The following FRMD4A variants were observed in gnomAD, a reference collection of about 807,000 sequenced individuals.
FRMD4A encodes the protein FERM domain-containing protein 4A.
A neutral mutation model predicts 129.1 loss-of-function variants in FRMD4A; 29 were observed. That is an observed-to-expected ratio of 0.22 (90% CI 0.17 to 0.31). FRMD4A has a LOEUF of 0.31. FRMD4A is among the 10% of genes least tolerant of loss of function. The pLI is 1.00. For missense variants in FRMD4A, 1,272 were observed against 1,375.8 expected, an observed-to-expected ratio of 0.92 and a Z score of 1.19; for synonymous variants, 634 against 571.6, an observed-to-expected ratio of 1.11 and a Z score of -1.56.
intron 13 of FRMD4A, among the ~76,000 whole-genome samples, chr10:13,704,616 C>G (rs993747995): frequency 6.6e-6 from 1 of 152,204 alleles, no homozygotes; most frequent in Non-Finnish European, 1.5e-5. Flanking sequence ...GTCCTTCACC[C>G]TTCATGGCCC....
chr10:14,183,890 C>CCA (rs1044787278), intron 2 of FRMD4A, among the ~76,000 whole-genome samples: 1 of 152,062 alleles, frequency 6.6e-6, no homozygotes, highest in Non-Finnish European at 1.5e-5. Flanking sequence ...ACCTAAGAAA[C>CCA]CAAACTTTGT....
intron 2 of FRMD4A, among the ~76,000 whole-genome samples, chr10:14,162,871 C>A (rs1840981158): frequency 6.6e-6 from 1 of 152,172 alleles, no homozygotes; most frequent in African/African-American, 2.4e-5. Flanking sequence ...ATTTACTCAA[C>A]CTGTAAAATA....
chr10:13,757,075 G>T (rs2091896295), intron 8 of FRMD4A, among the ~76,000 whole-genome samples: 1 of 152,210 alleles, frequency 6.6e-6, no homozygotes, highest in Non-Finnish European at 1.5e-5. Context: ...AAGAATCATA[G>T]ATAATGTCTG....
At chr10:13,956,095 G>A (rs1240331659) in intron 2 of FRMD4A, among the ~76,000 whole-genome samples, 2 of 152,186 alleles carry the variant, frequency 1.3e-5, no homozygotes, top group African/African-American at 4.8e-5. Flanking sequence ...CATTTACGGA[G>A]CACCTTGTTT....
chr10:13,821,965 G>T lies in FRMD4A; in HGVS notation c.112-11057C>A, dbSNP rs922919132. Among the ~76,000 whole-genome samples, 1 of 152,098 alleles carries T rather than the reference G, an allele frequency of 6.6e-6. No individual in the cohort carries two copies. The highest frequency in any genetic ancestry group is 6.6e-5 in the Admixed American group (1 of 15,260). On this transcript the variant is annotated intron_variant, in intron 3 of 24. Coordinates refer to ENST00000357447, the MANE Select transcript of FRMD4A (RefSeq NM_018027.5). The surrounding 1 kb of genome is among the most constrained non-coding windows in gnomAD (Gnocchi z 4.3). The stretch of plus-strand genomic sequence containing the variant: ...ATGTTACACTTAGGGGACAGAGCAG[G>T]TCTCGAAGATCCGAAGCAGGAAGGA...
At chr10:14,292,220 G>A (rs1386234655) in intron 2 of FRMD4A, among the ~76,000 whole-genome samples, 8 of 152,178 alleles carry the variant, frequency 5.3e-5, no homozygotes. Context: ...CTTGGAAGGA[G>A]GATTCGTCTT....
rs150294715 is a variant in FRMD4A, at chr10:14,013,009, C to T, written c.46-154097G>A. Among the ~76,000 whole-genome samples the T allele has an allele frequency of 6.0e-3, 907 of 152,170 alleles. 8 individuals carry two copies. The highest frequency in any genetic ancestry group is 0.027 in the Middle Eastern group (8 of 294). On this transcript the variant is annotated intron_variant, in intron 2 of 24. Coordinates refer to ENST00000357447, the MANE Select transcript of FRMD4A (RefSeq NM_018027.5). ...GGTCACACTGTATAATAGATGCTGT[C>T]GTGACACTCCCAGGGCAGAAGGCAG...
intron 2 of FRMD4A, chr10:14,008,046 G>T (rs745747552): frequency 3.8e-6 from 5 of 1,299,042 alleles, no homozygotes; most frequent in Admixed American, 4.6e-5. Context: ...CAAACAACCC[G>T]CCACGTAGCT....
intron 2 of FRMD4A, among the ~76,000 whole-genome samples, chr10:14,263,022 T>C (rs76144276): frequency 0.064 from 9,798 of 152,248 alleles, 396 homozygotes; most frequent in Non-Finnish European, 0.09. Context: ...ACCAGGTCAG[T>C]GTTCCCCTGG....
Position 13,751,624 on chromosome 10 carries a change from C to T in FRMD4A, c.465-3805G>A, listed in dbSNP as rs549215006. On this transcript the variant is annotated intron_variant, in intron 8 of 24. Coordinates refer to ENST00000357447, the MANE Select transcript of FRMD4A (RefSeq NM_018027.5). Reference sequence around the variant, plus strand: ...CTTCCTCCCTCAATGTCTTCCACTTCGACATTTTCCCCAGAGTTCATGACA... The same window carrying T: ...CTTCCTCCCTCAATGTCTTCCACTTTGACATTTTCCCCAGAGTTCATGACA... 7.9e-5 allele frequency among the ~76,000 whole-genome samples: 12 copies of T among 152,180 alleles called. No homozygotes were observed. In the South Asian group the frequency reaches 8.3e-4, roughly 11 times the overall value.
intron 8 of FRMD4A, among the ~76,000 whole-genome samples, chr10:13,761,440 A>G (rs1249712891): frequency 1.3e-5 from 2 of 152,224 alleles, no homozygotes; most frequent in Non-Finnish European, 2.9e-5. Context: ...CGGGCTTTGC[A>G]TGTAGTGGAG....
chr10:13,892,958 T>C (rs528562027), intron 2 of FRMD4A, among the ~76,000 whole-genome samples: 1 of 152,240 alleles, frequency 6.6e-6, no homozygotes, highest in East Asian at 1.9e-4. Flanking sequence ...TCACCATCAA[T>C]AGAAAGGGAA....
chr10:13,991,403 GT>G (rs2095602858), intron 2 of FRMD4A, among the ~76,000 whole-genome samples: 2 of 152,186 alleles, frequency 1.3e-5, no homozygotes, highest in African/African-American at 4.8e-5. Flanking sequence ...ATTCAGGACA[GT>G]GTGCACCTGC....
At chr10:13,655,575 A>G (rs921763533) in intron 22 of FRMD4A, 4 of 152,040 alleles carry the variant, frequency 2.6e-5, no homozygotes, top group Non-Finnish European at 4.4e-5. Flanking sequence ...GTGGGGATAG[A>G]ATGCCAGAGC....
chr10:13,752,614 G>A (rs2130659768), intron 8 of FRMD4A, among the ~76,000 whole-genome samples: 1 of 152,264 alleles, frequency 6.6e-6, no homozygotes, highest in Admixed American at 6.5e-5. Context: ...AACCCAGAAT[G>A]TGATACTATC....
chr10:14,232,550 C>G (rs1257123954), intron 2 of FRMD4A, among the ~76,000 whole-genome samples: 1 of 150,066 alleles, frequency 6.7e-6, no homozygotes, highest in African/African-American at 2.4e-5. Flanking sequence ...TTCTTCCTAT[C>G]CATGAGTATG....
intron 2 of FRMD4A, among the ~76,000 whole-genome samples, chr10:13,997,922 T>C (rs1001307612): frequency 2.6e-5 from 4 of 152,176 alleles, no homozygotes; most frequent in African/African-American, 9.7e-5. Flanking sequence ...CACAAAGCAA[T>C]TTTGATGCAT....
intron 2 of FRMD4A, among the ~76,000 whole-genome samples, chr10:14,302,510 C>T (rs574624302): frequency 6.6e-6 from 1 of 152,278 alleles, no homozygotes; most frequent in Non-Finnish European, 1.5e-5. Flanking sequence ...GAGCAAGTTA[C>T]TAAACTTCTC....
intron 12 of FRMD4A, among the ~76,000 whole-genome samples, chr10:13,735,572 A>C (rs1262126843): frequency 1.3e-5 from 2 of 152,226 alleles, no homozygotes; most frequent in South Asian, 4.1e-4. Flanking sequence ...TTCACTCTTC[A>C]TTAGAACCTC....
Sources: allele counts gnomAD v4.1 joint callset (sites outside exome capture counted in the v4.1 genomes callset), GRCh38; gene constraint gnomAD v4.1.1; non-coding constraint Gnocchi (gnomAD v3.1); transcripts MANE v1.5; gene names NCBI Gene and HGNC (gene_info 2026-07-23, HGNC 2026-07-21).